Variants in DUSP29 observed in about 807,000 individuals in gnomAD.
DUSP29 encodes atypical dual-specific protein phosphatase.
DUSP29 carries 12 observed loss-of-function variants against 13.5 expected under a neutral mutation model. The ratio of observed to expected loss-of-function variants is 0.89; its 90% CI spans 0.57 to 1.44. The LOEUF (loss-of-function observed/expected upper bound fraction) is 1.44, where lower values mean the gene tolerates loss of function less well. Among genes scored for constraint, DUSP29 ranks in the 40% most tolerant of loss-of-function variants. The pLI is 0.00. For synonymous variants in DUSP29, 134 were observed against 128.7 expected (o/e 1.04, Z -0.28); for missense variants, 308 against 301.1 (o/e 1.02, Z -0.17).
chr10:75,068,347 T>G (rs183277837), intron 1 of DUSP29, among the ~76,000 whole-genome samples: 327 of 152,132 alleles, frequency 2.1e-3, no homozygotes, highest in African/African-American at 7.7e-3. Flanking sequence ...TGGAGGTGCA[T>G]GCACCTGTGG....
chr10:75,051,551 GCAGGCCCCA>G (rs1846829947), intron 2 of DUSP29, among the ~76,000 whole-genome samples: 1 of 152,188 alleles, frequency 6.6e-6, no homozygotes, highest in African/African-American at 2.4e-5. Context: ...ATGCCCCGCT[GCAGGCCCCA>G]CAGTCACTGG....
rs148213411 is a variant in DUSP29, at chr10:75,073,590, C to T, written c.-56G>A. Among the ~76,000 whole-genome samples the T allele has an allele frequency of 3.3e-4, 50 of 152,344 alleles. No homozygotes were observed. Among genetic ancestry groups the T allele is most frequent in the East Asian group, 5.8e-4 (3 of 5,164 alleles). ...TTACCTGGGTGTGCCGGGGCCTGGC[C>T]GCGTCGGGAGGTTCTGGTCCGTGGG... On this transcript the variant is annotated 5_prime_UTR_variant, in exon 1 of 4. Transcript: ENST00000338487.
chr10:75,059,951 G>A (rs1364779615), intron 1 of DUSP29, among the ~76,000 whole-genome samples: 2 of 152,140 alleles, frequency 1.3e-5, no homozygotes, highest in Non-Finnish European at 2.9e-5. Context: ...CTGAGGTCAG[G>A]AGTTCAAGAC....
intron 1 of DUSP29, among the ~76,000 whole-genome samples, chr10:75,069,835 A>C (rs1402838435): frequency 1.3e-5 from 2 of 151,600 alleles, no homozygotes; most frequent in African/African-American, 4.8e-5. Flanking sequence ...TGAGGTGAGG[A>C]GTTTGAGACC....
chr10:75,049,548 T>A (rs1304994830), intron 2 of DUSP29, among the ~76,000 whole-genome samples: 1 of 152,250 alleles, frequency 6.6e-6, no homozygotes, highest in African/African-American at 2.4e-5. Flanking sequence ...GCTGCCCAGC[T>A]ATGCCTCAGT....
At chr10:75,066,977 A>C (rs1177364886) in intron 1 of DUSP29, among the ~76,000 whole-genome samples, 1 of 124,880 alleles carries the variant, frequency 8.0e-6, no homozygotes, top group East Asian at 2.5e-4. Flanking sequence ...TTTTTCTTTG[A>C]GACAGAGTCT....
chr10:75,070,250 G>A (rs966079727), intron 1 of DUSP29, among the ~76,000 whole-genome samples: 2 of 152,064 alleles, frequency 1.3e-5, no homozygotes, highest in African/African-American at 2.4e-5. Context: ...GGTGCAAATA[G>A]GACTCAACCC....
rs76624618 is a variant in DUSP29 at position 75,063,699 on chromosome 10, G to A, written c.-34-5151C>T. Reference sequence around the variant, plus strand: ...GCTCTGCATGCCACACCGTGCTCCCGGGAGCACCTCTCAAATAAACAACAT... The same window carrying A: ...GCTCTGCATGCCACACCGTGCTCCCAGGAGCACCTCTCAAATAAACAACAT... On this transcript the variant is annotated intron_variant, in intron 1 of 3. Transcript: ENST00000338487. 3.9e-3 allele frequency among the ~76,000 whole-genome samples: 587 copies of A among 151,900 alleles called. 4 individuals are homozygous for A. The highest frequency in any genetic ancestry group is 6.8e-3 in the Middle Eastern group (2 of 294).
At chr10:75,046,022 G>T (rs932299235) in intron 2 of DUSP29, among the ~76,000 whole-genome samples, 1 of 152,050 alleles carries the variant, frequency 6.6e-6, no homozygotes, top group Admixed American at 6.6e-5. Context: ...AGGCTGAAGT[G>T]GGAGGATCAC....
intron 2 of DUSP29, among the ~76,000 whole-genome samples, chr10:75,049,550 T>C (rs1846780646): frequency 1.3e-5 from 2 of 152,246 alleles, no homozygotes. Context: ...TGCCCAGCTA[T>C]GCCTCAGTTG....
intron 1 of DUSP29, among the ~76,000 whole-genome samples, chr10:75,070,095 AAGGAAGGAAGGAAGGAAGG>A (rs1847296559): frequency 1.1e-5 from 1 of 87,364 alleles, no homozygotes; most frequent in Non-Finnish European, 2.2e-5. Flanking sequence ...GGAAGGAAGG[AAGGAAGGAAGGAAGGAAGG>A]AAGGAAGGAA....
At chr10:75,072,549 T>C (rs1231138973) in intron 1 of DUSP29, among the ~76,000 whole-genome samples, 2 of 152,022 alleles carry the variant, frequency 1.3e-5, no homozygotes, top group Non-Finnish European at 2.9e-5. Flanking sequence ...AAGTGTTGTT[T>C]ATTAATGTCA....
At chr10:75,049,034 C>T (rs538187540) in intron 2 of DUSP29, among the ~76,000 whole-genome samples, 9 of 152,262 alleles carry the variant, frequency 5.9e-5, no homozygotes, top group African/African-American at 2.2e-4. Context: ...AAAGATGACT[C>T]CAAGGGGAAA....
At chr10:75,058,171 T>C in intron 2 of DUSP29, 144 bp downstream of exon 2, 5 of 952,870 alleles carry the variant, frequency 5.2e-6, no homozygotes, top group Admixed American at 2.9e-5. Context: ...TTTTCTGTAA[T>C]GTGAAGGCAA....
chr10:75,047,735 G>A (rs924053273), intron 2 of DUSP29, among the ~76,000 whole-genome samples: 1 of 152,046 alleles, frequency 6.6e-6, no homozygotes, highest in African/African-American at 2.4e-5. Flanking sequence ...ATAATATGTC[G>A]TCTCATGACA....
intron 1 of DUSP29, among the ~76,000 whole-genome samples, chr10:75,061,747 C>T (rs1384523818): frequency 2.6e-5 from 4 of 152,104 alleles, no homozygotes; most frequent in Non-Finnish European, 2.9e-5. Context: ...GACCTTGCTT[C>T]GGGGCTCCTG....
At chr10:75,040,594 T>C (rs1331935297) in intron 3 of DUSP29, among the ~76,000 whole-genome samples, 6 of 152,216 alleles carry the variant, frequency 3.9e-5, no homozygotes, top group Non-Finnish European at 8.8e-5. Flanking sequence ...CTCCATGATA[T>C]TCGGTGACCT....
At chr10:75,054,406 G>T (rs1334702521) in intron 2 of DUSP29, among the ~76,000 whole-genome samples, 1 of 152,102 alleles carries the variant, frequency 6.6e-6, no homozygotes, top group East Asian at 1.9e-4. Context: ...ATGCTCTTCT[G>T]TTCATCTGAT....
In DUSP29 at chr10:75,058,357, G is replaced by A; in HGVS notation, c.158C>T (p.Thr53Ile). 4 of 1,614,190 alleles carry A rather than the reference G, an allele frequency of 2.5e-6. No individual in the cohort carries two copies. Among genetic ancestry groups the A allele is most frequent in the Non-Finnish European group, 3.4e-6 (4 of 1,180,038 alleles). Residue 53 changes from threonine (T) to isoleucine (I), a missense_variant, in exon 2 of 4, where the codon ACC becomes ATC. Thr to Ile is a moderately conservative substitution (Grantham distance 89, BLOSUM62 -1). Coordinates refer to ENST00000338487, the MANE Select transcript of DUSP29 (RefSeq NM_001003892.3). The stretch of plus-strand genomic sequence containing the variant: ...CTTGGGCCAGACCTCGTTGACGTGG[G>A]TGTACTGGGGACTGCCCTTCCAGAA... The part of the protein sequence containing the change: ...RLFWKGSPQY[T>I]HVNEVWPKLY...
Sources: gnomAD v4.1 joint callset for allele counts (sites outside exome capture counted in the v4.1 genomes callset) on GRCh38, gnomAD v4.1.1 for gene constraint, MANE v1.5 for transcripts, NCBI Gene and HGNC (gene_info 2026-07-23, HGNC 2026-07-21) for gene names.